OSBPL9: variants seen among roughly 807,000 people sequenced by gnomAD.
OSBPL9 encodes the protein oxysterol binding protein like 9.
OSBPL9 carries 40 observed loss-of-function variants against 106.6 expected under a neutral mutation model. The ratio of observed to expected loss-of-function variants is 0.38; its 90% CI spans 0.29 to 0.49. The LOEUF (loss-of-function observed/expected upper bound fraction) is 0.49. OSBPL9 is among the 20% of genes least tolerant of loss of function. OSBPL9 has a pLI of 0.97. For synonymous variants in OSBPL9, 269 were observed against 295.4 expected (o/e 0.91, Z 0.92); for missense variants, 609 against 887.2 (o/e 0.69, Z 3.98).
In OSBPL9 at chr1:51,788,060, C is replaced by G. The variant is rs149057959; in HGVS notation, c.*271C>G. 4 of 443,174 alleles carry G rather than the reference C, an allele frequency of 9.0e-6. No homozygotes were observed. Among genetic ancestry groups the G allele is most frequent in the African/African-American group, 8.0e-5 (4 of 50,248 alleles). The allele number at this position is 443,174 out of a possible 1,614,324, so 27.5% of individuals were successfully genotyped here. On this transcript the variant is annotated 3_prime_UTR_variant, in exon 24 of 24. Coordinates refer to ENST00000428468, the MANE Select transcript of OSBPL9 (RefSeq NM_024586.6). The stretch of plus-strand genomic sequence containing the variant: ...GTCTTCTCCTTTTCCAAACACCACA[C>G]GTTGAAAGCATTTATAAATCCAAGT...
intron 15 of OSBPL9, among the ~76,000 whole-genome samples, chr1:51,780,263 CTGG>C (rs1676060596): frequency 6.6e-6 from 1 of 151,342 alleles, no homozygotes; most frequent in African/African-American, 2.4e-5. Flanking sequence ...TTTTACACTG[CTGG>C]TGGGAATGTA....
intron 1 of OSBPL9, among the ~76,000 whole-genome samples, chr1:51,577,689 T>C (rs886209206): frequency 1.3e-5 from 2 of 152,252 alleles, no homozygotes; most frequent in African/African-American, 4.8e-5. Context: ...CCATAGCTAC[T>C]GTTTAGAACT....
the OSBPL9 span, among the ~76,000 whole-genome samples, chr1:51,566,694 C>T: frequency 6.6e-6 from 1 of 152,144 alleles, no homozygotes; most frequent in African/African-American, 2.4e-5. Context: ...TTCTGGTTAA[C>T]CTTATATGGA....
At chr1:51,552,096 A>G in the OSBPL9 span, among the ~76,000 whole-genome samples, 1 of 152,220 alleles carries the variant, frequency 6.6e-6, no homozygotes, top group East Asian at 1.9e-4. Context: ...GGCAATCTAC[A>G]CACGTTATGT....
At chr1:51,563,698 T>C in the OSBPL9 span, 1 of 152,262 alleles carries the variant, frequency 6.6e-6, no homozygotes, top group Non-Finnish European at 1.5e-5. Flanking sequence ...ATCTGGCTTC[T>C]TGGCTTCTGG....
intron 1 of OSBPL9, among the ~76,000 whole-genome samples, chr1:51,649,497 A>G (rs956301250): frequency 6.6e-6 from 1 of 152,112 alleles, no homozygotes; most frequent in Non-Finnish European, 1.5e-5. Flanking sequence ...AAAGTTTTCT[A>G]CATCTGTGCC....
At chr1:51,519,161 C>A in the OSBPL9 span, 1 of 1,416,194 alleles carries the variant, frequency 7.1e-7, no homozygotes. Context: ...GAGGGGGCAC[C>A]GGCCGGCCAA....
intron 2 of OSBPL9, among the ~76,000 whole-genome samples, chr1:51,655,724 T>G (rs1646777886): frequency 6.6e-6 from 1 of 152,206 alleles, no homozygotes; most frequent in South Asian, 2.1e-4. Flanking sequence ...TTGATTCCCA[T>G]TTTTACCCAT....
At chr1:51,772,798 A>C (rs937242822) in intron 14 of OSBPL9, 75 bp downstream of exon 14, 1 of 960,522 alleles carries the variant, frequency 1.0e-6, no homozygotes, top group Non-Finnish European at 1.7e-6. Context: ...TGTGCCTGCA[A>C]ATGTAGTAAA....
rs869053368 is a variant in OSBPL9, at chr1:51,580,954, A to ATGT, written c.-423+3698_-423+3699insTGT. Among the ~76,000 whole-genome samples, 2 of 3,124 alleles carry ATGT rather than the reference A, an allele frequency of 6.4e-4. 1 individual carries two copies. Among genetic ancestry groups the ATGT allele is most frequent in the Non-Finnish European group, 1.2e-3 (2 of 1,680 alleles). The allele number at this position is 3,124 out of a possible 152,430, so 2.0% of individuals were successfully genotyped here. The stretch of plus-strand genomic sequence containing the variant: ...TATATATATATATATATATATATAT[A>ATGT]ACTTTTTTGAAACAGAGTCTTGCTC... On this transcript the variant is annotated intron_variant, in intron 1 of 25. Coordinates refer to the OSBPL9 transcript ENST00000371714.
intron 4 of OSBPL9, among the ~76,000 whole-genome samples, chr1:51,734,928 C>T (rs191835911): frequency 1.5e-3 from 231 of 152,294 alleles, no homozygotes; most frequent in Non-Finnish European, 2.3e-3. Context: ...TCTTCTGTAA[C>T]AGAATATTGT....
At chr1:51,628,004 A>G (rs545126733) in intron 1 of OSBPL9, among the ~76,000 whole-genome samples, 1 of 152,034 alleles carries the variant, frequency 6.6e-6, no homozygotes, top group South Asian at 2.1e-4. Context: ...TGAAGAGATG[A>G]CATTGTACTC....
At chr1:51,586,703 A>G (rs887819386) in intron 1 of OSBPL9, among the ~76,000 whole-genome samples, 6 of 152,192 alleles carry the variant, frequency 3.9e-5, no homozygotes, top group South Asian at 2.1e-4. Flanking sequence ...GCGGGTCACA[A>G]TGGAAGCAGC....
chr1:51,550,598 C>T, the OSBPL9 span, among the ~76,000 whole-genome samples: 1,141 of 152,228 alleles, frequency 7.5e-3, 14 homozygotes, highest in African/African-American at 0.026. Context: ...CTGCAACTTT[C>T]GCCTCCCAGG....
the OSBPL9 span, among the ~76,000 whole-genome samples, chr1:51,522,052 C>A: frequency 6.6e-6 from 1 of 152,102 alleles, no homozygotes; most frequent in Non-Finnish European, 1.5e-5. Flanking sequence ...CCACCGTGCC[C>A]GGCCAAATGT....
At chr1:51,736,118 C>T (rs566789989) in intron 4 of OSBPL9, among the ~76,000 whole-genome samples, 1 of 152,126 alleles carries the variant, frequency 6.6e-6, no homozygotes, top group South Asian at 2.1e-4. Context: ...TTATTGAGGA[C>T]TTGCTACAAA....
At chr1:51,547,581 A>C in the OSBPL9 span, among the ~76,000 whole-genome samples, 3 of 152,172 alleles carry the variant, frequency 2.0e-5, no homozygotes, top group Non-Finnish European at 2.9e-5. Context: ...ACGGTGGTTC[A>C]CCTGTGAATC....
intron 3 of OSBPL9, among the ~76,000 whole-genome samples, chr1:51,695,847 C>T (rs1372824422): frequency 6.6e-6 from 1 of 152,116 alleles, no homozygotes; most frequent in Non-Finnish European, 1.5e-5. Flanking sequence ...ATTAAATGCT[C>T]AATAGGTTTA....
intron 3 of OSBPL9, among the ~76,000 whole-genome samples, chr1:51,696,698 T>C (rs993089674): frequency 6.6e-6 from 1 of 152,192 alleles, no homozygotes; most frequent in Admixed American, 6.5e-5. Context: ...AACCCTACTT[T>C]GAAACAGTCT....
Sources: allele counts gnomAD v4.1 joint callset (sites outside exome capture counted in the v4.1 genomes callset), GRCh38; gene constraint gnomAD v4.1.1; transcripts MANE v1.5; gene names NCBI Gene and HGNC (gene_info 2026-07-23, HGNC 2026-07-21).